The following ZNF385D variants were observed in gnomAD, a reference collection of about 807,000 sequenced individuals.
The protein encoded by ZNF385D is zinc finger protein 659.
ZNF385D carries 15 observed loss-of-function variants against 35.8 expected under a neutral mutation model. The observed-to-expected ratio is 0.42, with a 90% confidence interval of 0.28 to 0.64. The LOEUF is 0.64. ZNF385D is among the 30% of genes least tolerant of loss of function. The probability of loss-of-function intolerance (pLI) is 0.23; values close to 1 mark genes in which losing one functional copy is unlikely to be tolerated. For missense variants in ZNF385D, 474 were observed against 494.6 expected (o/e 0.96, Z 0.39); for synonymous variants, 212 against 186.8 (o/e 1.13, Z -1.10).
At chr3:22,166,754 T>C (rs1381691102) in intron 3 of ZNF385D, among the ~76,000 whole-genome samples, 4 of 152,248 alleles carry the variant, frequency 2.6e-5, no homozygotes, top group Non-Finnish European at 5.9e-5. Flanking sequence ...CTAACTCTGA[T>C]TTGGGTTTCT....
intron 3 of ZNF385D, among the ~76,000 whole-genome samples, chr3:21,823,838 T>C (rs1276859016): frequency 6.6e-6 from 1 of 152,222 alleles, no homozygotes; most frequent in East Asian, 1.9e-4. Context: ...AAAATCTGCC[T>C]GTATAACTCC....
intron 1 of ZNF385D, among the ~76,000 whole-genome samples, chr3:21,703,352 C>T (rs761285479): frequency 6.6e-6 from 1 of 152,072 alleles, no homozygotes; most frequent in Non-Finnish European, 1.5e-5. Flanking sequence ...ATTACCTCCC[C>T]CTGGGTCCCT....
intron 3 of ZNF385D, among the ~76,000 whole-genome samples, chr3:21,896,535 T>TC (rs1699146566): frequency 6.6e-6 from 1 of 152,116 alleles, no homozygotes; most frequent in Non-Finnish European, 1.5e-5. Flanking sequence ...GGCCTTTTTT[T>TC]CCCCCTGGTA....
intron 3 of ZNF385D, among the ~76,000 whole-genome samples, chr3:22,007,574 CCT>C (rs910441654): frequency 2.1e-4 from 32 of 152,150 alleles, no homozygotes; most frequent in African/African-American, 7.7e-4. Flanking sequence ...CCAAATTCCT[CCT>C]GAGAGGGGTT....
chr3:22,260,816 C>T (rs1391538051), intron 2 of ZNF385D, among the ~76,000 whole-genome samples: 3 of 151,986 alleles, frequency 2.0e-5, no homozygotes, highest in Non-Finnish European at 4.4e-5. Flanking sequence ...ATTTATCAAA[C>T]TCAAAAATCA....
rs557453824 is a variant in ZNF385D, at chr3:22,057,664, C to G, written c.325+111153G>C. ...AGCTGGAACGACAGGCAGGCGCACACCACCACATCCGGCTAATTTTCTTAT... is the reference window on the plus strand; with the variant it reads ...AGCTGGAACGACAGGCAGGCGCACAGCACCACATCCGGCTAATTTTCTTAT... On this transcript the variant is annotated intron_variant, in intron 3 of 5. Transcript: ENST00000494108. Among the ~76,000 whole-genome samples the G allele has an allele frequency of 5.3e-5, 8 of 152,134 alleles. No individual in the cohort carries two copies. In the East Asian group the frequency reaches 1.4e-3, roughly 26 times the overall value.
intron 3 of ZNF385D, among the ~76,000 whole-genome samples, chr3:21,929,916 T>C (rs1700917820): frequency 6.6e-6 from 1 of 152,092 alleles, no homozygotes; most frequent in Non-Finnish European, 1.5e-5. Context: ...TATCAAAATC[T>C]CAGCTGGATT....
chr3:21,787,887 A>T (rs935021943), intron 3 of ZNF385D, among the ~76,000 whole-genome samples: 2 of 136,792 alleles, frequency 1.5e-5, no homozygotes, highest in East Asian at 4.9e-4. Context: ...GCTTGCAGAG[A>T]GGCGAGATCG....
In ZNF385D at chr3:21,680,734, C is replaced by T. The variant is rs115071212; in HGVS notation, c.23-15706G>A. Among the ~76,000 whole-genome samples, 1,260 of 152,244 alleles carry T rather than the reference C, an allele frequency of 8.3e-3. 16 individuals are homozygous for T. Among genetic ancestry groups the T allele is most frequent in the African/African-American group, 0.029 (1,185 of 41,542 alleles). Reference sequence around the variant, plus strand: ...CAAAATTTTAGATGGCATATTGGCACTGGGGAAATCTTGATAACAACTGTT... The same window carrying T: ...CAAAATTTTAGATGGCATATTGGCATTGGGGAAATCTTGATAACAACTGTT... On this transcript the variant is annotated intron_variant, in intron 1 of 7. Coordinates refer to ENST00000281523, the MANE Select transcript of ZNF385D (RefSeq NM_024697.3).
chr3:21,818,844 T>C (rs957011471), intron 3 of ZNF385D, among the ~76,000 whole-genome samples: 1 of 151,776 alleles, frequency 6.6e-6, no homozygotes, highest in African/African-American at 2.4e-5. Flanking sequence ...TTGAAGAAAA[T>C]GTCAAAAGGA....
chr3:22,080,056 T>C (rs531522214), intron 3 of ZNF385D, among the ~76,000 whole-genome samples: 194 of 152,236 alleles, frequency 1.3e-3, no homozygotes, highest in African/African-American at 4.3e-3. Context: ...CCTACACCTA[T>C]GTTAATGAAG....
chr3:21,650,141 A>G (rs891029122), intron 2 of ZNF385D, among the ~76,000 whole-genome samples: 1 of 152,220 alleles, frequency 6.6e-6, no homozygotes, highest in Non-Finnish European at 1.5e-5. Context: ...CAAAAACTGA[A>G]GATATGGAAA....
intron 3 of ZNF385D, among the ~76,000 whole-genome samples, chr3:21,825,619 C>T (rs1694556559): frequency 6.6e-6 from 1 of 152,284 alleles, no homozygotes; most frequent in South Asian, 2.1e-4. Flanking sequence ...CACAAAGTGA[C>T]TTCAATAAAC....
intron 2 of ZNF385D, among the ~76,000 whole-genome samples, chr3:22,345,425 CA>C (rs920484476): frequency 2.0e-5 from 3 of 152,178 alleles, no homozygotes; most frequent in Non-Finnish European, 4.4e-5. Flanking sequence ...TTCTAAAACA[CA>C]AAAACTTCAC....
chr3:21,685,945 C>T (rs1200402973), intron 1 of ZNF385D, among the ~76,000 whole-genome samples: 1 of 151,874 alleles, frequency 6.6e-6, no homozygotes, highest in Non-Finnish European at 1.5e-5. Flanking sequence ...AATGGGTGAA[C>T]CGGGAAAGAA....
intron 2 of ZNF385D, among the ~76,000 whole-genome samples, chr3:22,173,236 T>C (rs1694587431): frequency 1.3e-5 from 2 of 152,054 alleles, no homozygotes; most frequent in Admixed American, 6.6e-5. Context: ...CTAAATGAAA[T>C]GTGGTATCCT....
intron 3 of ZNF385D, among the ~76,000 whole-genome samples, chr3:21,904,239 G>A (rs1329450298): frequency 2.7e-5 from 4 of 149,800 alleles, no homozygotes; most frequent in African/African-American, 9.9e-5. Context: ...AGGAGGCGGA[G>A]GTTGCAGTGA....
At chr3:22,069,969 G>C (rs974430845) in intron 3 of ZNF385D, among the ~76,000 whole-genome samples, 2 of 152,128 alleles carry the variant, frequency 1.3e-5, no homozygotes, top group African/African-American at 4.8e-5. Context: ...AGCAAGCTAA[G>C]GCAAATAAGA....
At chr3:22,029,413 AG>A (rs1697777952) in intron 3 of ZNF385D, among the ~76,000 whole-genome samples, 1 of 152,208 alleles carries the variant, frequency 6.6e-6, no homozygotes, top group Admixed American at 6.5e-5. Flanking sequence ...CAGACCCCTC[AG>A]GAATGAAGGT....
Sources: gnomAD v4.1 joint callset for allele counts (sites outside exome capture counted in the v4.1 genomes callset) on GRCh38, gnomAD v4.1.1 for gene constraint, MANE v1.5 for transcripts, NCBI Gene and HGNC (gene_info 2026-07-23, HGNC 2026-07-21) for gene names.